The following TEC variants were observed in gnomAD, a reference collection of about 807,000 sequenced individuals.
The protein encoded by TEC is tyrosine-protein kinase Tec.
TEC carries 72 observed loss-of-function variants against 93.0 expected under a neutral mutation model. That is an observed-to-expected ratio of 0.77 (90% CI 0.64 to 0.94). TEC has a LOEUF of 0.94. Among genes scored for constraint, TEC ranks in the 40% least tolerant of loss-of-function variants. The probability of loss-of-function intolerance (pLI) is 0.00; values close to 1 mark genes in which losing one functional copy is unlikely to be tolerated. For missense variants in TEC, 630 were observed against 757.9 expected, an observed-to-expected ratio of 0.83 and a Z score of 1.98; for synonymous variants, 249 against 247.7, an observed-to-expected ratio of 1.01 and a Z score of -0.05.
At chr4:48,156,921 A>G (rs1174921213) in intron 8 of TEC, among the ~76,000 whole-genome samples, 187 bp from the exon 9 acceptor site, 2 of 152,200 alleles carry the variant, frequency 1.3e-5, no homozygotes, top group Non-Finnish European at 1.5e-5. Context: ...TTTTCTACCC[A>G]TATTTCTATG....
intron 2 of TEC, among the ~76,000 whole-genome samples, chr4:48,226,631 T>C (rs577724763): frequency 5.0e-4 from 76 of 151,910 alleles, no homozygotes; most frequent in African/African-American, 1.8e-3. Flanking sequence ...ATATATAACA[T>C]ACCAAATATG....
At position 48,137,469 on chromosome 4, in the gene TEC, G is replaced by C; in HGVS notation, c.1843C>G (p.Leu615Val). The C allele has an allele frequency of 6.2e-7, 1 of 1,614,160 alleles. No individual in the cohort carries two copies. The highest frequency in any genetic ancestry group is 8.5e-7 in the Non-Finnish European group (1 of 1,180,008). The change falls in exon 18 of 18, where the codon CTG (leucine) becomes GTG (valine). Residue 615 changes from leucine to valine, a missense_variant. Transcript: ENST00000381501. Reference protein sequence around the residue: ...KPEGRPSFEDLLRTIDELVEC... With the variant: ...KPEGRPSFEDVLRTIDELVEC... Reference sequence around the variant, plus strand: ...ACTAGTTCATCTATTGTGCGCAGCAGATCTTCGAAAGAAGGCCTTCCCTCT... The same window carrying C: ...ACTAGTTCATCTATTGTGCGCAGCACATCTTCGAAAGAAGGCCTTCCCTCT...
intron 1 of TEC, among the ~76,000 whole-genome samples, chr4:48,259,522 C>A (rs1724439257): frequency 6.6e-6 from 1 of 152,076 alleles, no homozygotes; most frequent in Admixed American, 6.6e-5. Flanking sequence ...TCGAGACCAG[C>A]CTGGCCAACG....
Position 48,145,070 on chromosome 4 carries a change from T to C in TEC, c.1470+9A>G, listed in dbSNP as rs1719846824. On this transcript the variant is annotated intron_variant, in intron 14 of 17. Transcript: ENST00000381501. ...GCCAATGAGTGGGAATATGGGTGGC[T>C]AGGGTTACCAGATCTCTGTGGATGA... The C allele has an allele frequency of 1.2e-6, 2 of 1,613,446 alleles. No homozygotes were observed. Among genetic ancestry groups the C allele is most frequent in the African/African-American group, 1.3e-5 (1 of 75,036 alleles).
intron 1 of TEC, among the ~76,000 whole-genome samples, chr4:48,238,685 T>G (rs1299521640): frequency 6.7e-6 from 1 of 149,330 alleles, no homozygotes; most frequent in Non-Finnish European, 1.5e-5. Flanking sequence ...TAAATTTATA[T>G]ATATGTATAT....
At chr4:48,196,969 G>A (rs6829390) in intron 2 of TEC, among the ~76,000 whole-genome samples, 26,655 of 151,988 alleles carry the variant, frequency 0.18, 4,053 homozygotes, top group African/African-American at 0.41. Flanking sequence ...TCCTTTTTAC[G>A]TTAGGAACAA....
chr4:48,214,409 A>C (rs1477407237), intron 2 of TEC, among the ~76,000 whole-genome samples: 2 of 152,220 alleles, frequency 1.3e-5, no homozygotes, highest in African/African-American at 4.8e-5. Flanking sequence ...AAGGTAGGAA[A>C]GTGACAAGCA....
Position 48,136,251 on chromosome 4 carries a change from C to T in TEC, c.*1165G>A, listed in dbSNP as rs1202207902. ...ACACACACAGTCTTGACAGCAGGGTCTCCTGAGAGGCTGTACAACAATCCC... is the reference window on the plus strand; with the variant it reads ...ACACACACAGTCTTGACAGCAGGGTTTCCTGAGAGGCTGTACAACAATCCC... On this transcript the variant is annotated 3_prime_UTR_variant, in exon 18 of 18. Coordinates refer to ENST00000381501, the MANE Select transcript of TEC (RefSeq NM_003215.3). The T allele has an allele frequency of 6.6e-6, 1 of 152,222 alleles. No homozygotes were observed. The highest frequency in any genetic ancestry group is 6.5e-5 in the Admixed American group (1 of 15,282). The allele number at this position is 152,222 out of a possible 1,614,324, so 9.4% of individuals were successfully genotyped here.
rs544261770 is a variant in TEC at position 48,177,262 on chromosome 4, T to G, written c.139-1076A>C. Among the ~76,000 whole-genome samples, 120 of 152,326 alleles carry G rather than the reference T, an allele frequency of 7.9e-4. 1 individual carries two copies. The highest frequency in any genetic ancestry group is 3.4e-3 in the Middle Eastern group (1 of 294). ...AACACAATGTAGAAATAAAAAATAT[T>G]TGCTGAATAATATTAACAGATGAAT... On this transcript the variant is annotated intron_variant, in intron 2 of 17. Transcript: ENST00000381501.
rs192969078 is a variant in TEC at position 48,170,557 on chromosome 4, T to G, written c.326-181A>C. On this transcript the variant is annotated intron_variant, in intron 4 of 17. Transcript: ENST00000381501. ...TAGTTCTCTTTGACCTCTTCTTTTT[T>G]TGTGTGTGAAGCACCCTTGTTAGCA... Among the ~76,000 whole-genome samples the G allele has an allele frequency of 3.6e-3, 553 of 152,348 alleles. 11 individuals are homozygous for G. Among genetic ancestry groups the G allele is most frequent in the Non-Finnish European group, 6.3e-4 (43 of 68,034 alleles).
chr4:48,137,469 G>A lies in TEC; in HGVS notation c.1843C>T (p.Leu615=), dbSNP rs769049961. The A allele has an allele frequency of 4.3e-6, 7 of 1,614,042 alleles. No homozygotes were observed. The South Asian group carries it at 5.5e-5, about 13-fold the overall frequency. The part of the protein sequence containing the change: ...KPEGRPSFED[L]LRTIDELVEC... Reference sequence around the variant, plus strand: ...ACTAGTTCATCTATTGTGCGCAGCAGATCTTCGAAAGAAGGCCTTCCCTCT... The same window carrying A: ...ACTAGTTCATCTATTGTGCGCAGCAAATCTTCGAAAGAAGGCCTTCCCTCT... Residue 615 remains leucine (L), a synonymous_variant, in exon 18 of 18, where the codon CTG becomes TTG. Coordinates refer to ENST00000381501, the MANE Select transcript of TEC (RefSeq NM_003215.3).
At chr4:48,228,804 G>T in intron 1 of TEC, 145 bp from the exon 2 acceptor site, 1 of 567,790 alleles carries the variant, frequency 1.8e-6, no homozygotes, top group Non-Finnish European at 2.8e-6. Context: ...GAATGCCTGG[G>T]GCACAAAAAT....
chr4:48,195,119 A>C (rs942602033), intron 2 of TEC, among the ~76,000 whole-genome samples: 1 of 152,230 alleles, frequency 6.6e-6, no homozygotes, highest in African/African-American at 2.4e-5. Context: ...CCATCTGTAG[A>C]AGAAATGATG....
intron 6 of TEC, 88 bp from the exon 7 acceptor site, chr4:48,168,041 C>T (rs1456157316): frequency 1.7e-6 from 2 of 1,190,236 alleles, no homozygotes; most frequent in African/African-American, 1.5e-5. Context: ...TACATCACCA[C>T]AGAATAAACT....
At chr4:48,222,760 C>T (rs1417592883) in intron 2 of TEC, among the ~76,000 whole-genome samples, 1 of 152,040 alleles carries the variant, frequency 6.6e-6, no homozygotes, top group Admixed American at 6.5e-5. Context: ...TGTCATGGTT[C>T]GCAGGCCTTC....
intron 1 of TEC, among the ~76,000 whole-genome samples, chr4:48,252,835 A>G (rs557789348): frequency 6.6e-6 from 1 of 152,276 alleles, no homozygotes; most frequent in South Asian, 2.1e-4. Flanking sequence ...ACTTTATTCT[A>G]CTCTAGGACC....
intron 1 of TEC, among the ~76,000 whole-genome samples, chr4:48,251,094 G>A (rs1195758979): frequency 6.6e-6 from 1 of 152,022 alleles, no homozygotes; most frequent in African/African-American, 2.4e-5. Context: ...TATGTCATCA[G>A]CCCTGCTAAA....
In TEC at chr4:48,191,402, A is replaced by G. The variant is rs1216821033; in HGVS notation, c.139-15216T>C. 3.3e-5 allele frequency among the ~76,000 whole-genome samples: 5 copies of G among 152,162 alleles called. No individual in the cohort carries two copies. In the East Asian group the frequency reaches 9.6e-4, roughly 29 times the overall value. On this transcript the variant is annotated intron_variant, in intron 2 of 17. Transcript: ENST00000381501. ...TTCAATAAAAAAATATTTAATACAG[A>G]TCTTTTAAATATTTCACTGGCATTT...
chr4:48,169,024 A>G (rs1720993689), intron 5 of TEC, among the ~76,000 whole-genome samples: 1 of 152,196 alleles, frequency 6.6e-6, no homozygotes, highest in African/African-American at 2.4e-5. Context: ...ACACATGGCT[A>G]CCCAAGATAA....
Sources: gnomAD v4.1 joint callset for allele counts (sites outside exome capture counted in the v4.1 genomes callset) on GRCh38, gnomAD v4.1.1 for gene constraint, MANE v1.5 for transcripts, NCBI Gene and HGNC (gene_info 2026-07-23, HGNC 2026-07-21) for gene names.